The following RYR1 variants were observed in gnomAD, a reference collection of about 807,000 sequenced individuals.
RYR1 encodes ryanodine receptor 1, also known as central core disease of muscle.
A neutral mutation model predicts 583.5 loss-of-function variants in RYR1; 342 were observed. That is an observed-to-expected ratio of 0.59 (90% confidence interval 0.54 to 0.64). RYR1 has a LOEUF of 0.64. RYR1 is among the 30% of genes least tolerant of loss of function. The probability of loss-of-function intolerance (pLI) is 0.00; values close to 1 mark genes in which losing one functional copy is unlikely to be tolerated. For missense variants in RYR1, 6,032 were observed against 6,917.2 expected (o/e 0.87, Z 4.54); for synonymous variants, 2,791 against 2,822.5 (o/e 0.99, Z 0.35).
rs1313581799 is a variant in RYR1, at chr19:38,466,230, T to C, written c.3010T>C (p.Trp1004Arg). The stretch of plus-strand genomic sequence containing the variant: ...GGCCCGAGACCGCGTGGGCCAGGGC[T>C]GGAGCTACAGCGCAGTGCAGGACAT... The part of the protein sequence containing the change: ...VWARDRVGQG[W>R]SYSAVQDIPA... Residue 1004 changes from tryptophan to arginine, a missense_variant, in exon 24 of 106, where the codon TGG becomes CGG. Around this residue, in one of 11 missense-constraint regions of RYR1, gnomAD observed 2,627 missense variants for 2,961.3 expected, o/e 0.89. Coordinates refer to ENST00000359596, the MANE Select transcript of RYR1 (RefSeq NM_000540.3). The C allele has an allele frequency of 5.0e-6, 8 of 1,613,344 alleles. No homozygotes were observed. The Admixed American group carries it at 1.2e-4, about 24-fold the overall frequency.
chr19:38,468,274 C>T (rs1346924107), intron 25 of RYR1, among the ~76,000 whole-genome samples: 1 of 152,042 alleles, frequency 6.6e-6, no homozygotes, highest in African/African-American at 2.4e-5. Flanking sequence ...ATGCATCCAT[C>T]CATGCATTCA....
chr19:38,459,975 TG>T (rs1967637244), intron 19 of RYR1, among the ~76,000 whole-genome samples: 2 of 152,200 alleles, frequency 1.3e-5, no homozygotes, highest in African/African-American at 4.8e-5. Flanking sequence ...CATTCAGTGG[TG>T]TTTATGTTTA....
chr19:38,447,413 C>T (rs1972998120), intron 9 of RYR1, among the ~76,000 whole-genome samples: 1 of 151,860 alleles, frequency 6.6e-6, no homozygotes, highest in South Asian at 2.1e-4. Context: ...TGGTGGTGGG[C>T]ACCTGTAATC....
chr19:38,446,438 C>A, intron 7 of RYR1, 34 bp from the exon 8 acceptor site: 1 of 1,528,016 alleles, frequency 6.5e-7, no homozygotes, highest in South Asian at 1.1e-5. Flanking sequence ...GGGCTCCAGC[C>A]TCCCATTGAC....
chr19:38,483,512 A>G lies in RYR1; in HGVS notation c.4930A>G (p.Asn1644Asp). Residue 1644 changes from asparagine to aspartate, a missense_variant, in exon 33 of 106, where the codon AAC becomes GAC. This residue lies in a region of RYR1 where 2,627 missense variants were observed against 2,961.3 expected (regional missense o/e 0.89). Coordinates refer to ENST00000359596, the MANE Select transcript of RYR1 (RefSeq NM_000540.3). The surrounding 1 kb of genome is among the most constrained non-coding windows in gnomAD (Gnocchi z 6.3). ...TMMALHIPEE[N>D]RCMDILELSE... ...GATGGCGCTGCACATCCCCGAGGAG[A>G]ACCGGTCAGGGCCAGCCCAGCTATG... 1 of 1,546,894 alleles carries G rather than the reference A, an allele frequency of 6.5e-7. No homozygotes were observed. Among genetic ancestry groups the G allele is most frequent in the Non-Finnish European group, 8.7e-7 (1 of 1,150,234 alleles).
rs753244747 is a variant in RYR1, at chr19:38,543,696, A to AG, written c.11907+41dup. 1 of 1,611,972 alleles carries AG rather than the reference A, an allele frequency of 6.2e-7. No homozygotes were observed. Among genetic ancestry groups the AG allele is most frequent in the Non-Finnish European group, 8.5e-7 (1 of 1,179,966 alleles). Reference sequence around the variant, plus strand: ...CCCCCTGGGGCGGGAGTGGGAAGGGAGGGGGTCCCGCATCGTGATCCCTGA... The same window carrying AG: ...CCCCCTGGGGCGGGAGTGGGAAGGGAGGGGGGTCCCGCATCGTGATCCCTGA... On this transcript the variant is annotated intron_variant, in intron 86 of 105. Coordinates refer to ENST00000359596, the MANE Select transcript of RYR1 (RefSeq NM_000540.3). This position sits in a 1 kb window ranked among gnomAD's most constrained non-coding sequence, Gnocchi z 4.4.
rs765039553 is a variant in RYR1 at position 38,512,344 on chromosome 19, G to C, written c.9333G>C (p.Arg3111=). 1 of 1,614,194 alleles carries C rather than the reference G, an allele frequency of 6.2e-7. No individual in the cohort carries two copies. The highest frequency in any genetic ancestry group is 1.7e-5 in the Admixed American group (1 of 60,030). ...EDIEKMVENL[R]LGKVSQARTQ... Reference sequence around the variant, plus strand: ...TCGAGAAGATGGTGGAGAACCTGCGGCTGGGCAAGGTGTCGCAGGCGCGCA... The same window carrying C: ...TCGAGAAGATGGTGGAGAACCTGCGCCTGGGCAAGGTGTCGCAGGCGCGCA... The change falls in exon 63 of 106, where the codon CGG becomes CGC. Residue 3111 remains arginine (R), a synonymous_variant. Coordinates refer to ENST00000359596, the MANE Select transcript of RYR1 (RefSeq NM_000540.3). The surrounding 1 kb of genome is among the most constrained non-coding windows in gnomAD (Gnocchi z 5.1).
chr19:38,487,980 G>A (rs1462568419), intron 34 of RYR1, among the ~76,000 whole-genome samples: 2 of 151,944 alleles, frequency 1.3e-5, no homozygotes, highest in East Asian at 3.9e-4. Context: ...TTTTGTAAGA[G>A]ACAGGGTAAT....
chr19:38,586,281 G>A, intron 104 of RYR1, 90 bp downstream of exon 104: 1 of 1,204,230 alleles, frequency 8.3e-7, no homozygotes, highest in South Asian at 1.6e-5. Flanking sequence ...AGTTAGGAAA[G>A]GGGGTGTAGT....
chr19:38,470,612 G>A (rs983153689), intron 27 of RYR1, among the ~76,000 whole-genome samples: 2 of 151,630 alleles, frequency 1.3e-5, no homozygotes, highest in East Asian at 2.0e-4. Flanking sequence ...GCGTGGTGGC[G>A]GGTGCCTGTA....
intron 58 of RYR1, 67 bp from the exon 59 acceptor site, chr19:38,510,431 T>G (rs1970675400): frequency 6.6e-7 from 1 of 1,525,214 alleles, no homozygotes; most frequent in Admixed American, 1.7e-5. Flanking sequence ...CCAGCATCCT[T>G]CCCATCAGAA....
chr19:38,449,062 T>C (rs1238026722), intron 11 of RYR1, among the ~76,000 whole-genome samples: 1 of 152,032 alleles, frequency 6.6e-6, no homozygotes, highest in Non-Finnish European at 1.5e-5. Flanking sequence ...CAAAGGGATA[T>C]ATCTACATGG....
rs1971941139 is a variant in RYR1 at position 38,535,888 on chromosome 19, G to C, written c.11517-109G>C. 3.3e-6 allele frequency: 3 copies of C among 921,638 alleles called. No individual in the cohort carries two copies. The South Asian group carries it at 4.2e-5, about 13-fold the overall frequency. 57.1% of individuals were successfully genotyped at this position (921,638 alleles called of 1,614,324 possible). The stretch of plus-strand genomic sequence containing the variant: ...TTCCTCTTGATTTCAGCGCATAGAT[G>C]GTTTACTGTGGCTCTCCAGGCTACC... On this transcript the variant is annotated intron_variant, in intron 81 of 105. Coordinates refer to ENST00000359596, the MANE Select transcript of RYR1 (RefSeq NM_000540.3).
At chr19:38,516,012 C>T in intron 64 of RYR1, 75 bp from the exon 65 acceptor site, 2 of 1,507,064 alleles carry the variant, frequency 1.3e-6, no homozygotes, top group South Asian at 1.2e-5. Context: ...GGAGCCGTTT[C>T]TATGGAGATG....
rs1456663816 is a variant in RYR1 at position 38,483,355 on chromosome 19, AC to A, written c.4775del (p.Pro1592ArgfsTer8). 6.4e-7 allele frequency: 1 copy of A among 1,561,500 alleles called. No homozygotes were observed. The highest frequency in any genetic ancestry group is 2.4e-5 in the East Asian group (1 of 42,220). On this transcript the variant is annotated frameshift_variant, in exon 33 of 106. Transcript: ENST00000359596. LOFTEE classifies it high-confidence loss of function. This position sits in a 1 kb window ranked among gnomAD's most constrained non-coding sequence, Gnocchi z 6.3. Reference protein sequence around the residue: ...ERKNPAPQCPPRLEMQMLMPV... With the variant: ...ERKNPAPQCPXRLEMQMLMPV... ...GCAAGAACCCGGCCCCGCAGTGCCC[AC>A]CGCGGCTGGAGATGCAGATGCTGAT...
chr19:38,457,373 C>T (rs1418033300), intron 16 of RYR1, 124 bp from the exon 17 acceptor site: 26 of 1,391,230 alleles, frequency 1.9e-5, no homozygotes, highest in Non-Finnish European at 2.3e-5. Flanking sequence ...TCCTCTCAGT[C>T]AAAATTGCCA....
intron 7 of RYR1, among the ~76,000 whole-genome samples, chr19:38,445,497 G>C (rs1419449852): frequency 6.6e-6 from 1 of 152,024 alleles, no homozygotes; most frequent in East Asian, 1.9e-4. Flanking sequence ...AAACTTCAGA[G>C]TCCTAAACCA....
chr19:38,486,592 T>C (rs1035600102), intron 34 of RYR1, among the ~76,000 whole-genome samples: 2 of 152,128 alleles, frequency 1.3e-5, no homozygotes, highest in Non-Finnish European at 2.9e-5. Context: ...CTGCCCACCT[T>C]GGCCTCCCAA....
At position 38,525,477 on chromosome 19, in the gene RYR1, C is replaced by T. The variant is rs146914779; in HGVS notation, c.10601C>T (p.Thr3534Met). 71 of 1,613,872 alleles carry T rather than the reference C, an allele frequency of 4.4e-5. No individual in the cohort carries two copies. The highest frequency in any genetic ancestry group is 5.4e-5 in the Non-Finnish European group (64 of 1,179,964). The change falls in exon 71 of 106, where the codon ACG (threonine) becomes ATG (methionine). Residue 3534 changes from threonine (T) to methionine (M), a missense_variant. Thr to Met is a moderately conservative substitution (Grantham distance 81). This residue lies in a region of RYR1 where 1,493 missense variants were observed against 1,715.5 expected (regional missense o/e 0.87). Coordinates refer to ENST00000359596, the MANE Select transcript of RYR1 (RefSeq NM_000540.3). The part of the protein sequence containing the change: ...MCAPTDQDLI[T>M]LAKTRYALKD... ...GCGCCCACCGACCAAGACCTCATCA[C>T]GCTGGCCAAGACCCGTTACGCCCTG...
Sources: allele counts gnomAD v4.1 joint callset (sites outside exome capture counted in the v4.1 genomes callset), GRCh38; gene constraint gnomAD v4.1.1; regional missense constraint gnomAD v4.1.1; non-coding constraint Gnocchi (gnomAD v3.1); transcripts MANE v1.5; gene names NCBI Gene and HGNC (gene_info 2026-07-23, HGNC 2026-07-21).